AK5: variants seen among roughly 807,000 people sequenced by gnomAD.
AK5 encodes adenylate kinase isoenzyme 5.
Under a neutral mutation model 69.5 loss-of-function variants are expected in AK5, and 27 were observed. The observed-to-expected ratio is 0.39, with a 90% confidence interval of 0.29 to 0.54. AK5 has a LOEUF of 0.54. Among genes scored for constraint, AK5 ranks in the 20% least tolerant of loss-of-function variants. The probability of loss-of-function intolerance (pLI) is 0.71; values close to 1 mark genes in which losing one functional copy is unlikely to be tolerated. For missense variants in AK5, 531 were observed against 700.4 expected (o/e 0.76, Z 2.73); for synonymous variants, 260 against 244.4 (o/e 1.06, Z -0.60).
Position 77,308,862 on chromosome 1 carries a change from G to A in AK5, c.699+10915G>A, listed in dbSNP as rs908250132. On this transcript the variant is annotated intron_variant, in intron 5 of 13. Coordinates refer to ENST00000354567, the MANE Select transcript of AK5 (RefSeq NM_174858.3). ...CGTGTGCCTACAGTCCCAGCTACTC[G>A]GAAGGCTGAGGTGGGAAAATTGCTT... 5.9e-5 allele frequency among the ~76,000 whole-genome samples: 9 copies of A among 152,088 alleles called. 1 individual carries two copies. The highest frequency in any genetic ancestry group is 1.9e-4 in the African/African-American group (8 of 41,466).
chr1:77,554,826 C>T (rs1464530762), intron 13 of AK5, among the ~76,000 whole-genome samples: 2 of 149,762 alleles, frequency 1.3e-5, no homozygotes, highest in East Asian at 2.0e-4. Flanking sequence ...CCATGTTAGC[C>T]GGGATGGTCT....
intron 8 of AK5, among the ~76,000 whole-genome samples, chr1:77,481,587 G>A (rs1655255350): frequency 6.6e-6 from 1 of 152,146 alleles, no homozygotes; most frequent in Non-Finnish European, 1.5e-5. Flanking sequence ...AGTGTTTTGA[G>A]GGCGGTTTAC....
chr1:77,297,660 A>G lies in AK5; in HGVS notation c.517A>G (p.Ser173Gly), dbSNP rs1199779047. The change falls in exon 4 of 14, where the codon AGT (serine) becomes GGT (glycine). Residue 173 changes from serine (S) to glycine (G), a missense_variant. Physicochemically the swap from Ser to Gly is moderately conservative, Grantham distance 56 (BLOSUM62 0). Coordinates refer to ENST00000354567, the MANE Select transcript of AK5 (RefSeq NM_174858.3). ...VGELLRKKIHSTSSNRKWSLI... is the reference protein window; with the variant it reads ...VGELLRKKIHGTSSNRKWSLI... ...AGAATTATTAAGAAAGAAGATCCAC[A>G]GTACCAGCAGCAATAGGAAATGGAG... The G allele has an allele frequency of 6.2e-7, 1 of 1,614,030 alleles. No individual in the cohort carries two copies. Among genetic ancestry groups the G allele is most frequent in the South Asian group, 1.1e-5 (1 of 91,044 alleles).
intron 9 of AK5, among the ~76,000 whole-genome samples, chr1:77,483,937 G>A (rs531971492): frequency 1.3e-5 from 2 of 152,150 alleles, no homozygotes; most frequent in Non-Finnish European, 2.9e-5. Flanking sequence ...GGCCAAGGCG[G>A]CCGGATCACT....
intron 13 of AK5, among the ~76,000 whole-genome samples, chr1:77,549,354 G>A (rs1347682161): frequency 4.6e-5 from 7 of 151,958 alleles, no homozygotes; most frequent in East Asian, 3.9e-4. Flanking sequence ...TATGGGGTAC[G>A]TAAGCTACTT....
Position 77,558,713 on chromosome 1 carries a change from TA to T in AK5, c.*48del. On this transcript the variant is annotated 3_prime_UTR_variant, in exon 14 of 14. Coordinates refer to ENST00000354567, the MANE Select transcript of AK5 (RefSeq NM_174858.3). Reference sequence around the variant, plus strand: ...TGTTAGAATGGAAACAGAAAAACATTAAAAAGTTCATTCCTTAACACAATGT... The same window carrying T: ...TGTTAGAATGGAAACAGAAAAACATTAAAAGTTCATTCCTTAACACAATGT... 7.4e-7 allele frequency: 1 copy of T among 1,346,678 alleles called. No individual in the cohort carries two copies. Among genetic ancestry groups the T allele is most frequent in the Non-Finnish European group, 1.1e-6 (1 of 940,662 alleles). The allele number at this position is 1,346,678 out of a possible 1,614,324, so 83.4% of individuals were successfully genotyped here. A position where few individuals can be genotyped will look rare whatever the true frequency, so the allele number is the denominator to read the frequency against.
In AK5 at chr1:77,535,999, C is replaced by T. The variant is rs753733714; in HGVS notation, c.1581C>T (p.Pro527=). The change falls in exon 13 of 14, where the codon CCC becomes CCT. Residue 527 remains proline (P), a synonymous_variant. Transcript: ENST00000354567. ...AAGCCTACTACCGAGCGTCCATCCC[C>T]GTGATCGCCTACTACGAGACAAAAA... ...RLEAYYRASI[P]VIAYYETKTQ... The T allele has an allele frequency of 2.6e-5, 42 of 1,613,834 alleles. 1 individual carries two copies. Among genetic ancestry groups the T allele is most frequent in the Middle Eastern group, 3.3e-4 (2 of 6,080 alleles).
intron 6 of AK5, among the ~76,000 whole-genome samples, chr1:77,379,809 T>A (rs1647498899): frequency 6.6e-6 from 1 of 152,222 alleles, no homozygotes; most frequent in Admixed American, 6.5e-5. Flanking sequence ...TCTCAGATTT[T>A]AACTTGTATA....
intron 5 of AK5, among the ~76,000 whole-genome samples, chr1:77,324,639 C>T (rs545919053): frequency 6.6e-6 from 1 of 151,590 alleles, no homozygotes; most frequent in East Asian, 1.9e-4. Flanking sequence ...CATTTGAATT[C>T]TCATCTCAGA....
intron 8 of AK5, among the ~76,000 whole-genome samples, chr1:77,432,283 C>T (rs1402515011): frequency 1.3e-5 from 2 of 152,188 alleles, no homozygotes; most frequent in South Asian, 2.1e-4. Flanking sequence ...TATCAGAAGA[C>T]GTGATTGGTG....
At chr1:77,462,308 G>T (rs984691788) in intron 8 of AK5, among the ~76,000 whole-genome samples, 3 of 22,880 alleles carry the variant, frequency 1.3e-4, no homozygotes, top group African/African-American at 4.9e-4. Context: ...TGGATAGATG[G>T]ATGGATGGAT....
chr1:77,345,089 A>G (rs1401009553), intron 6 of AK5, among the ~76,000 whole-genome samples: 1 of 152,172 alleles, frequency 6.6e-6, no homozygotes, highest in Non-Finnish European at 1.5e-5. Flanking sequence ...AGCCAGAAAA[A>G]CATGGATTTC....
intron 12 of AK5, among the ~76,000 whole-genome samples, chr1:77,527,538 T>C (rs1243639897): frequency 1.3e-5 from 2 of 152,238 alleles, no homozygotes; most frequent in Non-Finnish European, 2.9e-5. Context: ...CATGATTCCA[T>C]TTCAAACAAC....
At chr1:77,370,716 G>A (rs780217292) in intron 6 of AK5, among the ~76,000 whole-genome samples, 21 of 152,020 alleles carry the variant, frequency 1.4e-4, no homozygotes, top group Non-Finnish European at 2.5e-4. Flanking sequence ...GTCTTTTACC[G>A]CACTGTGGGT....
chr1:77,411,956 T>G (rs1650074461), intron 7 of AK5, among the ~76,000 whole-genome samples: 1 of 152,204 alleles, frequency 6.6e-6, no homozygotes, highest in Non-Finnish European at 1.5e-5. Flanking sequence ...AAAGTTGGCC[T>G]ATTGCAAGAA....
At chr1:77,502,401 A>G (rs141349854) in intron 10 of AK5, among the ~76,000 whole-genome samples, 355 of 152,324 alleles carry the variant, frequency 2.3e-3, no homozygotes, top group South Asian at 1.0e-2. Flanking sequence ...TGGAAGTTGC[A>G]TTCACCAGTT....
rs1654086495 is a variant in AK5 at position 77,465,512 on chromosome 1, C to T, written c.1060-17805C>T. 1.3e-5 allele frequency among the ~76,000 whole-genome samples: 2 copies of T among 152,178 alleles called. 1 individual carries two copies. Among genetic ancestry groups the T allele is most frequent in the South Asian group, 4.1e-4 (2 of 4,822 alleles). On this transcript the variant is annotated intron_variant, in intron 8 of 13. Coordinates refer to ENST00000354567, the MANE Select transcript of AK5 (RefSeq NM_174858.3). Reference sequence around the variant, plus strand: ...TGCATTTCTTTGCTTTACCTCTTAACCGGGACGTCTTATTCACCTGCTGCA... The same window carrying T: ...TGCATTTCTTTGCTTTACCTCTTAATCGGGACGTCTTATTCACCTGCTGCA...
intron 10 of AK5, among the ~76,000 whole-genome samples, chr1:77,495,388 C>T (rs760806638): frequency 5.3e-5 from 8 of 152,144 alleles, no homozygotes; most frequent in South Asian, 2.1e-4. Context: ...TTTTACTTTG[C>T]GCCTATGTAT....
At chr1:77,466,301 A>G (rs921021090) in intron 8 of AK5, among the ~76,000 whole-genome samples, 3 of 152,032 alleles carry the variant, frequency 2.0e-5, no homozygotes, top group African/African-American at 7.2e-5. Flanking sequence ...CCTCAGCCCA[A>G]TCCAGATCAG....
Sources: allele counts gnomAD v4.1 joint callset (sites outside exome capture counted in the v4.1 genomes callset), GRCh38; gene constraint gnomAD v4.1.1; transcripts MANE v1.5; gene names NCBI Gene and HGNC (gene_info 2026-07-23, HGNC 2026-07-21).